CBR4: variants seen among roughly 807,000 people sequenced by gnomAD.
CBR4 encodes the protein 3-oxoacyl-[acyl-carrier-protein] reductase.
In CBR4, 22 loss-of-function variants were observed where a neutral mutation model predicts 21.0. The observed-to-expected ratio is 1.05, with a 90% CI of 0.75 to 1.50. CBR4 has a LOEUF of 1.50. CBR4 is among the 40% of genes most tolerant of loss of function. The pLI, the probability that CBR4 is intolerant of heterozygous loss-of-function variation, is 0.00. For synonymous variants in CBR4, 100 were observed against 104.4 expected (o/e 0.96, Z 0.26); for missense variants, 302 against 286.3 (o/e 1.05, Z -0.40).
chr4:168,976,976 G>T (rs940943589), intron 2 of CBR4, among the ~76,000 whole-genome samples: 1 of 152,202 alleles, frequency 6.6e-6, no homozygotes, highest in African/African-American at 2.4e-5. Context: ...ATGTGTGTTC[G>T]GAAGCCAACT....
At position 168,995,771 on chromosome 4, in the gene CBR4, C is replaced by A. The variant is rs149083562; in HGVS notation, c.536-5443G>T. ...CTACTGCATCTCCTGGAGAGTTAGA[C>A]GTTTCCAGTTTGGAGGACAGACATG... On this transcript the variant is annotated intron_variant, in intron 4 of 4. Transcript: ENST00000306193. 4.2e-4 allele frequency among the ~76,000 whole-genome samples: 64 copies of A among 152,184 alleles called. 1 individual carries two copies. The highest frequency in any genetic ancestry group is 3.4e-3 in the Middle Eastern group (1 of 294).
At chr4:168,965,676 G>A (rs901169027) in intron 2 of CBR4, among the ~76,000 whole-genome samples, 1 of 152,200 alleles carries the variant, frequency 6.6e-6, no homozygotes, top group African/African-American at 2.4e-5. Flanking sequence ...AATAAATTGT[G>A]CTGGGAAAAC....
intron 2 of CBR4, among the ~76,000 whole-genome samples, chr4:168,937,775 T>C (rs1763154543): frequency 6.6e-6 from 1 of 152,158 alleles, no homozygotes; most frequent in Non-Finnish European, 1.5e-5. Flanking sequence ...ATCCTAAATA[T>C]ATATGCACCC....
At chr4:168,970,902 G>T (rs9799845) in intron 2 of CBR4, among the ~76,000 whole-genome samples, 102,605 of 151,868 alleles carry the variant, frequency 0.68, 36,564 homozygotes, top group East Asian at 0.96. Flanking sequence ...GCTGGTTCCA[G>T]ATTTTTGCAA....
Position 168,905,889 on chromosome 4 carries a change from T to C in CBR4, n.170-11124A>G, listed in dbSNP as rs2151329078. Among the ~76,000 whole-genome samples the C allele has an allele frequency of 2.0e-5, 3 of 146,850 alleles. No individual in the cohort carries two copies. In the Middle Eastern group the frequency reaches 0.01, roughly 506 times the overall value. Reference sequence around the variant, plus strand: ...ATCTTAGCCCACTGCAGTCTCCACCTCCTGGGTTCAAGCAATTCTTCTGCC... The same window carrying C: ...ATCTTAGCCCACTGCAGTCTCCACCCCCTGGGTTCAAGCAATTCTTCTGCC... On this transcript the variant is annotated intron_variant and non_coding_transcript_variant, in intron 2 of 3. Coordinates refer to the CBR4 transcript ENST00000509108.
chr4:168,995,802 C>A (rs1765171148), intron 4 of CBR4, among the ~76,000 whole-genome samples: 1 of 152,026 alleles, frequency 6.6e-6, no homozygotes, highest in Admixed American at 6.6e-5. Context: ...ACATGTGATC[C>A]CCCAAAAACA....
At chr4:168,924,476 A>C in intron 2 of CBR4, 2 of 1,429,906 alleles carry the variant, frequency 1.4e-6, no homozygotes, top group East Asian at 4.6e-5. Flanking sequence ...ATGATGTATC[A>C]AAAGATACAT....
chr4:168,926,060 A>C (rs1312484128), intron 2 of CBR4, among the ~76,000 whole-genome samples: 1 of 152,170 alleles, frequency 6.6e-6, no homozygotes, highest in Non-Finnish European at 1.5e-5. Context: ...ATGTGAGTAA[A>C]ATGCAAAAGT....
At chr4:168,930,826 A>G (rs934760709) in intron 2 of CBR4, among the ~76,000 whole-genome samples, 9 of 152,078 alleles carry the variant, frequency 5.9e-5, no homozygotes, top group Non-Finnish European at 1.0e-4. Flanking sequence ...AACACCTACA[A>G]TCCTTACTAC....
chr4:168,984,722 C>T (rs1281368647), downstream of CBR4, among the ~76,000 whole-genome samples: 1 of 152,108 alleles, frequency 6.6e-6, no homozygotes, highest in Non-Finnish European at 1.5e-5. Flanking sequence ...ACACACAGAC[C>T]AATGGAATAG....
intron 2 of CBR4, among the ~76,000 whole-genome samples, chr4:168,970,580 C>T (rs1374007583): frequency 6.6e-6 from 1 of 151,982 alleles, no homozygotes; most frequent in Non-Finnish European, 1.5e-5. Flanking sequence ...TTTGATGTAT[C>T]CATCACCTGA....
At chr4:168,956,619 A>C (rs1763694941) in intron 2 of CBR4, among the ~76,000 whole-genome samples, 1 of 151,046 alleles carries the variant, frequency 6.6e-6, no homozygotes, top group African/African-American at 2.4e-5. Context: ...AAAAAAAAAA[A>C]AAAAAAAACA....
chr4:168,989,567 A>G lies in CBR4; in HGVS notation c.*583T>C, dbSNP rs1255240025. 4 of 985,278 alleles carry G rather than the reference A, an allele frequency of 4.1e-6. No homozygotes were observed. The African/African-American group carries it at 5.2e-5, about 13-fold the overall frequency. The allele number at this position is 985,278 out of a possible 1,614,324, so 61.0% of individuals were successfully genotyped here. ...TATAGTTATCTTTAGTGGGCTTGCTAAAGTATTGACAACTAATCAGTGTCC... is the reference window on the plus strand; with the variant it reads ...TATAGTTATCTTTAGTGGGCTTGCTGAAGTATTGACAACTAATCAGTGTCC... On this transcript the variant is annotated 3_prime_UTR_variant, in exon 5 of 5. Transcript: ENST00000306193.
In CBR4 at chr4:168,963,058, A is replaced by G. The variant is rs149419731; in HGVS notation, n.169+39013T>C. ...TCAGATAGTTTAAATAATTGTCCAA[A>G]TAAAACTGTAAGTGCTAAAACAGAA... On this transcript the variant is annotated intron_variant and non_coding_transcript_variant, in intron 2 of 3. Transcript: ENST00000509108. Among the ~76,000 whole-genome samples the G allele has an allele frequency of 5.3e-3, 807 of 152,340 alleles. 6 individuals are homozygous for G. Among genetic ancestry groups the G allele is most frequent in the Middle Eastern group, 0.01 (3 of 294 alleles).
At chr4:168,909,784 G>A (rs1057039812) in intron 2 of CBR4, among the ~76,000 whole-genome samples, 1 of 152,088 alleles carries the variant, frequency 6.6e-6, no homozygotes, top group African/African-American at 2.4e-5. Context: ...GTCAAAAATA[G>A]TATGTTCAGA....
At chr4:168,919,435 G>T (rs1309241399) in intron 2 of CBR4, among the ~76,000 whole-genome samples, 1 of 151,758 alleles carries the variant, frequency 6.6e-6, no homozygotes, top group Admixed American at 6.6e-5. Flanking sequence ...TGAGGCAAGA[G>T]AATTGCTTGA....
intron 2 of CBR4, among the ~76,000 whole-genome samples, chr4:168,906,907 T>G (rs1045963165): frequency 6.6e-6 from 1 of 152,038 alleles, no homozygotes; most frequent in Non-Finnish European, 1.5e-5. Flanking sequence ...AAAAAAGAAA[T>G]GTTACTACAA....
At chr4:168,996,800 TA>T (rs1251567593) in intron 4 of CBR4, among the ~76,000 whole-genome samples, 2 of 152,206 alleles carry the variant, frequency 1.3e-5, no homozygotes, top group African/African-American at 4.8e-5. Context: ...TCTCTAATGA[TA>T]AATTACTCTG....
intron 2 of CBR4, chr4:168,898,194 T>G: frequency 2.3e-6 from 1 of 433,654 alleles, no homozygotes; most frequent in Non-Finnish European, 4.3e-6. Flanking sequence ...GCTTTGCTTT[T>G]GCCTTTTTCT....
Sources: gnomAD v4.1 joint callset for allele counts (sites outside exome capture counted in the v4.1 genomes callset) on GRCh38, gnomAD v4.1.1 for gene constraint, MANE v1.5 for transcripts, NCBI Gene and HGNC (gene_info 2026-07-23, HGNC 2026-07-21) for gene names.